The following MROH7 variants were observed in gnomAD, a reference collection of about 807,000 sequenced individuals.
MROH7 encodes the protein maestro heat like repeat family member 7, also known as maestro heat-like repeat-containing protein family member 7.
A neutral mutation model predicts 129.2 loss-of-function variants in MROH7; 113 were observed. The observed-to-expected ratio is 0.87, with a 90% confidence interval of 0.75 to 1.02. MROH7 has a LOEUF of 1.02. MROH7 is among the 50% of genes least tolerant of loss of function. MROH7 has a pLI of 0.00. For missense variants in MROH7, 1,601 were observed against 1,671.3 expected (o/e 0.96, Z 0.73); for synonymous variants, 655 against 667.9 (o/e 0.98, Z 0.30).
chr1:54,704,262 C>T (rs1031322433), intron 21 of MROH7, among the ~76,000 whole-genome samples: 6 of 152,076 alleles, frequency 3.9e-5, no homozygotes, highest in African/African-American at 1.4e-4. Context: ...CAAATGCTCA[C>T]AGTGGCCAGT....
intron 17 of MROH7, chr1:54,695,854 CAGTG>C: frequency 2.9e-6 from 1 of 347,304 alleles, no homozygotes; most frequent in South Asian, 2.2e-5. Context: ...GGGGTGATAC[CAGTG>C]AGTGATTTGT....
chr1:54,645,442 G>C (rs1301825406), intron 1 of MROH7, among the ~76,000 whole-genome samples: 3 of 151,706 alleles, frequency 2.0e-5, no homozygotes, highest in Non-Finnish European at 4.4e-5. Context: ...ACCATGTCCA[G>C]CCAATTTTTT....
intron 5 of MROH7, among the ~76,000 whole-genome samples, chr1:54,670,276 C>A (rs1356907180): frequency 6.6e-6 from 1 of 152,134 alleles, no homozygotes; most frequent in African/African-American, 2.4e-5. Flanking sequence ...TGAGACCAGC[C>A]TGGGCAACAT....
chr1:54,695,565 A>C, intron 17 of MROH7, 75 bp downstream of exon 17: 1 of 880,256 alleles, frequency 1.1e-6, no homozygotes, highest in Non-Finnish European at 1.9e-6. Context: ...CATTTCTCCT[A>C]TGTAAACAGT....
rs752398394 is a variant in MROH7, at chr1:54,695,449, G to T, written c.2923G>T (p.Asp975Tyr). ...YLLIPLLERG[D>Y]EKHRITATAF... Reference sequence around the variant, plus strand: ...GCTCATCCCGCTCCTGGAGCGAGGCGACGAGAAGCACAGGATCACGGCCAC... The same window carrying T: ...GCTCATCCCGCTCCTGGAGCGAGGCTACGAGAAGCACAGGATCACGGCCAC... Residue 975 changes from aspartate (D) to tyrosine (Y), a missense_variant, in exon 17 of 24, where the codon GAC becomes TAC. Transcript: ENST00000421030. 2.5e-6 allele frequency: 4 copies of T among 1,613,936 alleles called. No individual in the cohort carries two copies. Among genetic ancestry groups the T allele is most frequent in the Non-Finnish European group, 3.4e-6 (4 of 1,179,906 alleles).
In MROH7 at chr1:54,653,316, C is replaced by T. The variant is rs1437428135; in HGVS notation, c.390C>T (p.Ser130=). ...GTCCAGCCTCAAACCCCATTCTGAGCCCTAGCTCTACTGAGGCCCCTCGTC... is the reference window on the plus strand; with the variant it reads ...GTCCAGCCTCAAACCCCATTCTGAGTCCTAGCTCTACTGAGGCCCCTCGTC... ...RLCPASNPIL[S]PSSTEAPRLS... The change falls in exon 3 of 24, where the codon AGC becomes AGT. Residue 130 remains serine (S), a synonymous_variant. Coordinates refer to ENST00000421030, the MANE Select transcript of MROH7 (RefSeq NM_001039464.4). 1.2e-6 allele frequency: 2 copies of T among 1,614,176 alleles called. No homozygotes were observed.
At chr1:54,687,489 G>A (rs1645167364) in intron 15 of MROH7, among the ~76,000 whole-genome samples, 1 of 152,256 alleles carries the variant, frequency 6.6e-6, no homozygotes, top group African/African-American at 2.4e-5. Context: ...GCCATTGGCA[G>A]TTACAAGGCT....
chr1:54,684,946 C>G (rs752017512), intron 14 of MROH7, among the ~76,000 whole-genome samples: 1 of 152,164 alleles, frequency 6.6e-6, no homozygotes, highest in Non-Finnish European at 1.5e-5. Flanking sequence ...GGGAACATGT[C>G]AGGGGTTCTT....
chr1:54,685,279 C>T (rs1019927762), intron 14 of MROH7, among the ~76,000 whole-genome samples: 2 of 152,166 alleles, frequency 1.3e-5, no homozygotes, highest in Non-Finnish European at 2.9e-5. Flanking sequence ...CCTTGGCCTC[C>T]CAAAGTGCTG....
chr1:54,689,547 C>T lies in MROH7; in HGVS notation c.2712-2877C>T, dbSNP rs775872038. Among the ~76,000 whole-genome samples the T allele has an allele frequency of 7.3e-4, 111 of 152,296 alleles. 2 individuals are homozygous for T. The highest frequency in any genetic ancestry group is 4.0e-4 in the Non-Finnish European group (27 of 68,024). On this transcript the variant is annotated intron_variant, in intron 15 of 23. Coordinates refer to ENST00000421030, the MANE Select transcript of MROH7 (RefSeq NM_001039464.4). ...CTCCACGGGGCATCAGCACACAAGG[C>T]GGTCACATCCTCCTGAGAGGAGAGG...
intron 17 of MROH7, 126 bp downstream of exon 17, chr1:54,695,616 CT>C (rs1645309247): frequency 1.4e-6 from 1 of 726,264 alleles, no homozygotes; most frequent in Non-Finnish European, 2.5e-6. Flanking sequence ...CATGACTTCT[CT>C]TGACTATGAT....
At chr1:54,665,086 G>C (rs997033953) in intron 3 of MROH7, 81 bp from the exon 4 acceptor site, 9 of 1,065,022 alleles carry the variant, frequency 8.5e-6, no homozygotes, top group East Asian at 2.4e-5. Context: ...GGTGCCTAGA[G>C]GGGGAGGAGA....
intron 16 of MROH7, among the ~76,000 whole-genome samples, chr1:54,694,810 G>C (rs1325591508): frequency 6.6e-6 from 1 of 152,160 alleles, no homozygotes; most frequent in Non-Finnish European, 1.5e-5. Context: ...TAATACTCTG[G>C]TTGAGTGGGG....
In MROH7 at chr1:54,701,197, G is replaced by T; in HGVS notation, c.3160G>T (p.Asp1054Tyr). ...PSMVKGLKNM[D>Y]GMLVVEAVHN... ...CATGGTGAAGGGCCTGAAGAACATGGATGGGATGCTGGTGGTGGAAGCGGT... is the reference window on the plus strand; with the variant it reads ...CATGGTGAAGGGCCTGAAGAACATGTATGGGATGCTGGTGGTGGAAGCGGT... The change falls in exon 19 of 24, where the codon GAT becomes TAT. Residue 1054 changes from aspartate (D) to tyrosine (Y), a missense_variant. Transcript: ENST00000421030. The T allele has an allele frequency of 6.2e-7, 1 of 1,614,230 alleles. No individual in the cohort carries two copies. The highest frequency in any genetic ancestry group is 8.5e-7 in the Non-Finnish European group (1 of 1,180,036).
At chr1:54,709,414 C>T (rs1241278472) in intron 23 of MROH7, among the ~76,000 whole-genome samples, 2 of 152,030 alleles carry the variant, frequency 1.3e-5, no homozygotes, top group South Asian at 2.1e-4. Context: ...GACAGGGTTT[C>T]ACCATGTTGG....
Position 54,695,498 on chromosome 1 carries a change from C to T in MROH7, c.2964+8C>T, listed in dbSNP as rs748181225. 4.5e-5 allele frequency: 72 copies of T among 1,590,752 alleles called. No individual in the cohort carries two copies. The highest frequency in any genetic ancestry group is 1.7e-4 in the Middle Eastern group (1 of 6,038). ...ACCGCCTTCTTCGTGGAGGTACCAA[C>T]GGGGGCAGCGGGTACACAGCGGGAG... On this transcript the variant is annotated splice_region_variant and intron_variant, in intron 17 of 23. Coordinates refer to ENST00000421030, the MANE Select transcript of MROH7 (RefSeq NM_001039464.4).
At chr1:54,706,573 G>A (rs962277797) in intron 22 of MROH7, 36 bp downstream of exon 22, 3 of 1,479,950 alleles carry the variant, frequency 2.0e-6, no homozygotes, top group Non-Finnish European at 2.8e-6. Context: ...CTGCTGCCAG[G>A]GCTCTGCCTG....
Position 54,653,060 on chromosome 1 carries a change from C to G in MROH7, c.134C>G (p.Pro45Arg). Reference sequence around the variant, plus strand: ...CCCCACCCAGACATGGCTCAGGTGCCTATGTTGAATCTGCTCCCAAGTCCT... The same window carrying G: ...CCCCACCCAGACATGGCTCAGGTGCGTATGTTGAATCTGCTCCCAAGTCCT... Reference protein sequence around the residue: ...PQPHPDMAQVPMLNLLPSPGL... With the variant: ...PQPHPDMAQVRMLNLLPSPGL... Residue 45 changes from proline (P) to arginine (R), a missense_variant, in exon 3 of 24, where the codon CCT becomes CGT. Pro to Arg is a moderately radical substitution (Grantham distance 103). Coordinates refer to ENST00000421030, the MANE Select transcript of MROH7 (RefSeq NM_001039464.4). 5 of 1,614,196 alleles carry G rather than the reference C, an allele frequency of 3.1e-6. No individual in the cohort carries two copies. The highest frequency in any genetic ancestry group is 1.3e-5 in the African/African-American group (1 of 75,064).
At chr1:54,665,521 A>AT (rs1644800114) in intron 4 of MROH7, 1 of 273,610 alleles carries the variant, frequency 3.7e-6, no homozygotes, top group African/African-American at 2.2e-5. Context: ...CACATAATAG[A>AT]TGCTCAATAA....
Sources: allele counts gnomAD v4.1 joint callset (sites outside exome capture counted in the v4.1 genomes callset), GRCh38; gene constraint gnomAD v4.1.1; transcripts MANE v1.5; gene names NCBI Gene and HGNC (gene_info 2026-07-23, HGNC 2026-07-21).